Variants in KCNQ3 observed in about 807,000 individuals in gnomAD.
KCNQ3 encodes the protein potassium voltage-gated channel subfamily KQT member 3.
Under a neutral mutation model 92.5 loss-of-function variants are expected in KCNQ3, and 30 were observed. The observed-to-expected ratio is 0.32, with a 90% CI of 0.24 to 0.44. KCNQ3 has a LOEUF of 0.44. Ranked by LOEUF, KCNQ3 falls within the 20% of genes least tolerant of loss-of-function variation. The pLI is 1.00. For missense variants in KCNQ3, 913 were observed against 1,140.3 expected, an observed-to-expected ratio of 0.80 and a Z score of 2.87; for synonymous variants, 450 against 468.8, an observed-to-expected ratio of 0.96 and a Z score of 0.52.
intron 12 of KCNQ3, among the ~76,000 whole-genome samples, chr8:132,136,862 C>CTTT (rs34845943): frequency 2.2e-4 from 27 of 123,358 alleles, no homozygotes; most frequent in Non-Finnish European, 3.0e-4. Context: ...GGCTGCATAA[C>CTTT]TTTTTTTTTT....
intron 1 of KCNQ3, among the ~76,000 whole-genome samples, chr8:132,257,933 A>G (rs1815649172): frequency 6.6e-6 from 1 of 152,174 alleles, no homozygotes; most frequent in East Asian, 1.9e-4. Context: ...GCATTTTATG[A>G]TGGTAACAGT....
At chr8:132,216,438 G>A (rs1383976715) in intron 1 of KCNQ3, among the ~76,000 whole-genome samples, 1 of 152,302 alleles carries the variant, frequency 6.6e-6, no homozygotes, top group South Asian at 2.1e-4. Context: ...TTCACAGTCA[G>A]GGGACAGCAG....
intron 1 of KCNQ3, among the ~76,000 whole-genome samples, chr8:132,412,048 G>A (rs1411091570): frequency 2.0e-5 from 3 of 152,176 alleles, no homozygotes; most frequent in Non-Finnish European, 4.4e-5. Context: ...GTGCTATGCA[G>A]AAGGTTCACC....
chr8:132,326,691 G>A (rs1818061712), intron 1 of KCNQ3, among the ~76,000 whole-genome samples: 1 of 152,110 alleles, frequency 6.6e-6, no homozygotes, highest in Non-Finnish European at 1.5e-5. Flanking sequence ...CAACAGCAAG[G>A]CACCATCTTG....
chr8:132,378,751 A>G (rs1819672643), intron 1 of KCNQ3, among the ~76,000 whole-genome samples: 1 of 152,192 alleles, frequency 6.6e-6, no homozygotes, highest in Admixed American at 6.5e-5. Flanking sequence ...CTGATGATTG[A>G]TTTGTGAGTG....
At chr8:132,206,117 G>A (rs1813648675) in intron 1 of KCNQ3, among the ~76,000 whole-genome samples, 1 of 152,192 alleles carries the variant, frequency 6.6e-6, no homozygotes, top group Non-Finnish European at 1.5e-5. Flanking sequence ...CCTGCCCCAT[G>A]TCTTTCCAGC....
intron 1 of KCNQ3, among the ~76,000 whole-genome samples, chr8:132,209,051 G>C (rs1209846636): frequency 6.6e-6 from 1 of 152,160 alleles, no homozygotes; most frequent in African/African-American, 2.4e-5. Flanking sequence ...TCTGGGAATA[G>C]TGATGAACAG....
intron 1 of KCNQ3, among the ~76,000 whole-genome samples, chr8:132,365,964 G>C (rs1249345602): frequency 6.6e-6 from 1 of 152,156 alleles, no homozygotes; most frequent in Non-Finnish European, 1.5e-5. Flanking sequence ...CCATGAGGTG[G>C]AAGTTACAGT....
intron 1 of KCNQ3, among the ~76,000 whole-genome samples, chr8:132,392,810 A>AAAAAAAAAAAAAAAAAAAAAAC: frequency 1.3e-5 from 2 of 150,646 alleles, no homozygotes; most frequent in African/African-American, 4.9e-5. Flanking sequence ...AAAAAAAAAA[A>AAAAAAAAAAAAAAAAAAAAAAC]AAAAGACGAC....
At chr8:132,213,167 TTTC>T (rs1813915781) in intron 1 of KCNQ3, among the ~76,000 whole-genome samples, 1 of 152,206 alleles carries the variant, frequency 6.6e-6, no homozygotes, top group South Asian at 2.1e-4. Context: ...CTTCATTCAA[TTTC>T]TTCTTCTTAG....
chr8:132,129,289 TA>T lies in KCNQ3; in HGVS notation c.2591del (p.Val864AspfsTer80). On this transcript the variant is annotated frameshift_variant, in exon 15 of 15. Coordinates refer to ENST00000388996, the MANE Select transcript of KCNQ3 (RefSeq NM_004519.4). LOFTEE classifies it high-confidence loss of function. This position sits in a 1 kb window ranked among gnomAD's most constrained non-coding sequence, Gnocchi z 5.9. ...AAATGGGCTTATTGGAAGGGGTCCATACTGAATCAGAAATCCCATCCCCTGT... is the reference window on the plus strand; with the variant it reads ...AAATGGGCTTATTGGAAGGGGTCCATCTGAATCAGAAATCCCATCCCCTGT... ...SSTGDGISDSVWTPSNKPI is the reference protein window; with the variant it reads ...SSTGDGISDSXWTPSNKPI 1 of 1,613,554 alleles carries T rather than the reference TA, an allele frequency of 6.2e-7. No individual in the cohort carries two copies. The highest frequency in any genetic ancestry group is 8.5e-7 in the Non-Finnish European group (1 of 1,180,034).
At chr8:132,369,756 G>T (rs796533547) in intron 1 of KCNQ3, among the ~76,000 whole-genome samples, 3 of 152,200 alleles carry the variant, frequency 2.0e-5, no homozygotes, top group African/African-American at 7.2e-5. Context: ...TTCTGATCCT[G>T]GAAACAAGTT....
At chr8:132,376,521 C>A (rs1819613762) in intron 1 of KCNQ3, among the ~76,000 whole-genome samples, 1 of 152,136 alleles carries the variant, frequency 6.6e-6, no homozygotes, top group Non-Finnish European at 1.5e-5. Context: ...GGCAACGAAG[C>A]CTACATGCTG....
intron 1 of KCNQ3, among the ~76,000 whole-genome samples, chr8:132,237,557 G>T (rs1814856982): frequency 6.6e-6 from 1 of 152,148 alleles, no homozygotes; most frequent in Non-Finnish European, 1.5e-5. Flanking sequence ...AACCCACTTG[G>T]TGCTGGCCCA....
At chr8:132,182,197 C>T (rs1563792202) in intron 3 of KCNQ3, among the ~76,000 whole-genome samples, 1 of 152,208 alleles carries the variant, frequency 6.6e-6, no homozygotes, top group Non-Finnish European at 1.5e-5. Context: ...ATTTGCCAGG[C>T]TTCTCAGATT....
At chr8:132,323,354 G>A (rs545712391) in intron 1 of KCNQ3, among the ~76,000 whole-genome samples, 5 of 152,294 alleles carry the variant, frequency 3.3e-5, no homozygotes, top group African/African-American at 1.2e-4. Flanking sequence ...AGTTTTACTG[G>A]AAGACGGCCA....
At chr8:132,207,817 G>GCATGA (rs1399185451) in intron 1 of KCNQ3, among the ~76,000 whole-genome samples, 1 of 149,474 alleles carries the variant, frequency 6.7e-6, no homozygotes, top group Non-Finnish European at 1.5e-5. Context: ...TTTCCCACCA[G>GCATGA]CATGACACAA....
At chr8:132,342,230 A>C (rs1818552021) in intron 1 of KCNQ3, among the ~76,000 whole-genome samples, 1 of 151,314 alleles carries the variant, frequency 6.6e-6, no homozygotes, top group Admixed American at 6.6e-5. Flanking sequence ...TCTTTCTTTC[A>C]CCATATCTCC....
intron 1 of KCNQ3, among the ~76,000 whole-genome samples, chr8:132,433,050 A>T (rs1821294236): frequency 6.6e-6 from 1 of 152,142 alleles, no homozygotes; most frequent in Non-Finnish European, 1.5e-5. Flanking sequence ...ATAATTATTG[A>T]CCTGTTCAAT....
Sources: allele counts gnomAD v4.1 joint callset (sites outside exome capture counted in the v4.1 genomes callset), GRCh38; gene constraint gnomAD v4.1.1; non-coding constraint Gnocchi (gnomAD v3.1); transcripts MANE v1.5; gene names NCBI Gene and HGNC (gene_info 2026-07-23, HGNC 2026-07-21).